The following RIOK3 variants were observed in gnomAD, a reference collection of about 807,000 sequenced individuals.
The protein encoded by RIOK3 is serine/threonine-protein kinase RIO3.
In RIOK3, 40 loss-of-function variants were observed where a neutral mutation model predicts 63.5. The ratio of observed to expected loss-of-function variants is 0.63; its 90% confidence interval spans 0.49 to 0.82. RIOK3 has a LOEUF of 0.82. RIOK3 is among the 40% of genes least tolerant of loss of function. The pLI is 0.00. For missense variants in RIOK3, 557 were observed against 637.0 expected (o/e 0.87, Z 1.35); for synonymous variants, 193 against 205.0 (o/e 0.94, Z 0.50).
At chr18:23,461,354 G>A (rs756169852) in intron 1 of RIOK3, among the ~76,000 whole-genome samples, 1 of 152,212 alleles carries the variant, frequency 6.6e-6, no homozygotes, top group Non-Finnish European at 1.5e-5. Context: ...CAATAAAAAA[G>A]ATTTTGAGTA....
At chr18:23,460,564 A>G (rs1021229462) in intron 1 of RIOK3, among the ~76,000 whole-genome samples, 1 of 152,226 alleles carries the variant, frequency 6.6e-6, no homozygotes, top group South Asian at 2.1e-4. Flanking sequence ...TAAGTTATGT[A>G]TATTTAACCA....
chr18:23,459,887 T>C (rs945482097), intron 1 of RIOK3, among the ~76,000 whole-genome samples: 1 of 152,030 alleles, frequency 6.6e-6, no homozygotes, highest in African/African-American at 2.4e-5. Context: ...AGAGATGGGG[T>C]TTCTCCATGT....
Position 23,464,629 on chromosome 18 carries a change from G to A in RIOK3, c.543+1G>A. On this transcript the variant is annotated splice_donor_variant, in intron 5 of 12. Transcript: ENST00000339486. LOFTEE classifies it high-confidence loss of function. The stretch of plus-strand genomic sequence containing the variant: ...AAAGAACACAGCAAGAATGGAAAAT[G>A]TAAGTTACAGAAAGTATCTATCTCT... The A allele has an allele frequency of 6.5e-7, 1 of 1,545,860 alleles. No individual in the cohort carries two copies. Among genetic ancestry groups the A allele is most frequent in the Non-Finnish European group, 8.8e-7 (1 of 1,137,458 alleles).
chr18:23,463,946 A>G, intron 2 of RIOK3, 21 bp from the exon 3 acceptor site: 1 of 1,583,556 alleles, frequency 6.3e-7, no homozygotes, highest in Non-Finnish European at 8.6e-7. Flanking sequence ...ACATTAGTTT[A>G]TATTGCCTTA....
chr18:23,463,224 C>A (rs1288971904), intron 2 of RIOK3, 145 bp downstream of exon 2: 2 of 525,852 alleles, frequency 3.8e-6, no homozygotes, highest in South Asian at 5.5e-5. Flanking sequence ...GAATTTTGGT[C>A]CTGATTTTGC....
rs867033029 is a variant in RIOK3, at chr18:23,453,602, T to C, written c.63+100T>C. The C allele has an allele frequency of 6.4e-6, 7 of 1,097,948 alleles. No homozygotes were observed. The Middle Eastern group carries it at 7.9e-4, about 124-fold the overall frequency. The allele number at this position is 1,097,948 out of a possible 1,614,324, so 68.0% of individuals were successfully genotyped here. On this transcript the variant is annotated intron_variant, in intron 1 of 12. Coordinates refer to ENST00000339486, the MANE Select transcript of RIOK3 (RefSeq NM_003831.5). ...GCTTCGTGGGCGATTCGGGAAGTTCTGGGGCGGGACCCCGCGGACCTCGGC... is the reference window on the plus strand; with the variant it reads ...GCTTCGTGGGCGATTCGGGAAGTTCCGGGGCGGGACCCCGCGGACCTCGGC...
intron 2 of RIOK3, among the ~76,000 whole-genome samples, chr18:23,463,566 C>A: frequency 6.6e-6 from 1 of 151,998 alleles, no homozygotes; most frequent in Non-Finnish European, 1.5e-5. Flanking sequence ...TGTGCTGCCA[C>A]GTCCGGCTAA....
chr18:23,464,042 G>A lies in RIOK3; in HGVS notation c.255G>A (p.Gln85=), dbSNP rs1469124544. 6.2e-7 allele frequency: 1 copy of A among 1,613,404 alleles called. No homozygotes were observed. Among genetic ancestry groups the A allele is most frequent in the East Asian group, 2.2e-5 (1 of 44,892 alleles). The change falls in exon 3 of 13, where the codon CAG becomes CAA. Residue 85 remains glutamine, a synonymous_variant. Coordinates refer to ENST00000339486, the MANE Select transcript of RIOK3 (RefSeq NM_003831.5). ...ACCTTATGCTGGCTCAGATGCTACA[G>A]ATGGAATATGACAGAGAATATGATG... ...SSDLMLAQML[Q]MEYDREYDAQ... is the part of the protein sequence containing the mutation.
At chr18:23,473,009 G>A (rs2057466012) in intron 7 of RIOK3, among the ~76,000 whole-genome samples, 1 of 152,140 alleles carries the variant, frequency 6.6e-6, no homozygotes, top group Non-Finnish European at 1.5e-5. Flanking sequence ...TGTGGGGCAG[G>A]AACCATTTGA....
intron 7 of RIOK3, among the ~76,000 whole-genome samples, chr18:23,468,371 C>T (rs1245646922): frequency 7.6e-6 from 1 of 131,740 alleles, no homozygotes; most frequent in Non-Finnish European, 1.5e-5. Flanking sequence ...GGCGCAATCT[C>T]AGCTCACTGC....
intron 1 of RIOK3, 71 bp downstream of exon 1, chr18:23,453,573 G>A: frequency 7.4e-7 from 1 of 1,356,334 alleles, no homozygotes; most frequent in Non-Finnish European, 1.1e-6. Context: ...GCTCGGAGAG[G>A]GCGGCTTCGT....
chr18:23,481,419 G>A lies in RIOK3; in HGVS notation c.*140G>A. Reference sequence around the variant, plus strand: ...TGTGCTTTTCCCCCTTGTAACCCATGTGCCAGATGTGTGGAATTTTTAGCT... The same window carrying A: ...TGTGCTTTTCCCCCTTGTAACCCATATGCCAGATGTGTGGAATTTTTAGCT... On this transcript the variant is annotated 3_prime_UTR_variant, in exon 13 of 13. Coordinates refer to ENST00000339486, the MANE Select transcript of RIOK3 (RefSeq NM_003831.5). The A allele has an allele frequency of 1.8e-6, 1 of 549,634 alleles. No homozygotes were observed. The highest frequency in any genetic ancestry group is 2.0e-5 in the African/African-American group (1 of 51,162). 34.0% of individuals were successfully genotyped at this position (549,634 alleles called of 1,614,324 possible). A position where few individuals can be genotyped will look rare whatever the true frequency, so the allele number is the denominator to read the frequency against.
chr18:23,470,524 T>C (rs1277343732), intron 7 of RIOK3, among the ~76,000 whole-genome samples: 1 of 152,196 alleles, frequency 6.6e-6, no homozygotes, highest in Admixed American at 6.5e-5. Flanking sequence ...AGACTAGAAA[T>C]ACAGCATTTA....
intron 1 of RIOK3, among the ~76,000 whole-genome samples, chr18:23,462,474 G>A (rs1476463416): frequency 6.6e-6 from 1 of 152,242 alleles, no homozygotes; most frequent in Non-Finnish European, 1.5e-5. Flanking sequence ...ATCCTAAGAT[G>A]TTTTGAGAGG....
intron 7 of RIOK3, among the ~76,000 whole-genome samples, chr18:23,472,509 T>C (rs546161088): frequency 8.5e-5 from 13 of 152,284 alleles, no homozygotes; most frequent in African/African-American, 3.1e-4. Flanking sequence ...TCTCATTCCA[T>C]CCACTTTTTC....
chr18:23,463,301 C>T (rs1260723119), intron 2 of RIOK3: 2 of 384,418 alleles, frequency 5.2e-6, no homozygotes, highest in African/African-American at 2.1e-5. Flanking sequence ...CGCGTTAATG[C>T]TGCAGTTGAA....
Position 23,481,777 on chromosome 18 carries a change from G to C in RIOK3, c.*498G>C, listed in dbSNP as rs1054990328. 6.6e-6 allele frequency: 1 copy of C among 152,290 alleles called. No homozygotes were observed. The highest frequency in any genetic ancestry group is 6.5e-5 in the Admixed American group (1 of 15,274). 9.4% of individuals were successfully genotyped at this position (152,290 alleles called of 1,614,324 possible). On this transcript the variant is annotated 3_prime_UTR_variant, in exon 13 of 13. Transcript: ENST00000339486. ...GCCGTGATTCTAAAGGAAAATGTGT[G>C]CTCTTTAGTGGGTAGAACAAATGGA...
intron 1 of RIOK3, among the ~76,000 whole-genome samples, chr18:23,455,857 G>A (rs766220635): frequency 2.6e-5 from 4 of 151,918 alleles, no homozygotes; most frequent in Non-Finnish European, 5.9e-5. Flanking sequence ...GAGAGCAGTG[G>A]CATGATCTCA....
In RIOK3 at chr18:23,457,115, T is replaced by C. The variant is rs117235088; in HGVS notation, c.63+3613T>C. 2.9e-3 allele frequency among the ~76,000 whole-genome samples: 442 copies of C among 152,278 alleles called. 1 individual carries two copies. Among genetic ancestry groups the C allele is most frequent in the East Asian group, 7.9e-3 (41 of 5,186 alleles). On this transcript the variant is annotated intron_variant, in intron 1 of 12. Transcript: ENST00000339486. ...AAAGACAAATAATGTAATATTACTA[T>C]TATGAAAATTTTGACTTCATAGACC...
Sources: gnomAD v4.1 joint callset for allele counts (sites outside exome capture counted in the v4.1 genomes callset) on GRCh38, gnomAD v4.1.1 for gene constraint, MANE v1.5 for transcripts, NCBI Gene and HGNC (gene_info 2026-07-23, HGNC 2026-07-21) for gene names.